Variants in MVB12B observed in about 807,000 individuals in gnomAD.
MVB12B encodes the protein multivesicular body subunit 12B, also known as ESCRT-I complex subunit MVB12B.
In MVB12B, 16 loss-of-function variants were observed where a neutral mutation model predicts 41.6. The observed-to-expected ratio is 0.38, with a 90% confidence interval of 0.26 to 0.58. The LOEUF (loss-of-function observed/expected upper bound fraction) is 0.58. Among genes scored for constraint, MVB12B ranks in the 20% least tolerant of loss-of-function variants. The pLI is 0.62. For missense variants in MVB12B, 274 were observed against 380.2 expected, an observed-to-expected ratio of 0.72 and a Z score of 2.32; for synonymous variants, 133 against 139.7, an observed-to-expected ratio of 0.95 and a Z score of 0.34.
Position 126,476,647 on chromosome 9 carries a change from C to T in MVB12B, c.758-4722C>T, listed in dbSNP as rs577076018. On this transcript the variant is annotated intron_variant, in intron 7 of 9. Coordinates refer to ENST00000361171, the MANE Select transcript of MVB12B (RefSeq NM_033446.3). ...ATCCCAAGACTTTGGGAGGCTGAGG[C>T]GGGCGGATCACAAGGTCAGGAGATC... is the stretch of plus-strand genomic sequence containing the variant. Among the ~76,000 whole-genome samples the T allele has an allele frequency of 9.2e-5, 14 of 152,122 alleles. No individual in the cohort carries two copies. In the South Asian group the frequency reaches 1.9e-3, roughly 20 times the overall value.
chr9:126,496,404 A>C (rs1833836423), intron 9 of MVB12B, among the ~76,000 whole-genome samples: 15 of 86,272 alleles, frequency 1.7e-4, no homozygotes, highest in Middle Eastern at 6.3e-3. Flanking sequence ...ATACCCACCC[A>C]CTCACTCACC....
At chr9:126,498,137 C>G (rs1406402658) in intron 9 of MVB12B, among the ~76,000 whole-genome samples, 1 of 152,198 alleles carries the variant, frequency 6.6e-6, no homozygotes, top group Non-Finnish European at 1.5e-5. Flanking sequence ...CTTCAGGAAA[C>G]AGATGAGGAC....
At chr9:126,440,961 G>A (rs1367354595) in intron 7 of MVB12B, among the ~76,000 whole-genome samples, 1 of 152,212 alleles carries the variant, frequency 6.6e-6, no homozygotes, top group Non-Finnish European at 1.5e-5. Flanking sequence ...GACAAATGGT[G>A]GTGCGGAATT....
At chr9:126,380,991 A>G (rs1830620316) in intron 2 of MVB12B, 73 bp from the exon 3 acceptor site, 1 of 1,131,352 alleles carries the variant, frequency 8.8e-7, no homozygotes, top group Admixed American at 1.7e-5. Flanking sequence ...CAGGCGTGGA[A>G]GAAGTGGCCC....
chr9:126,360,279 T>C (rs1829993885), intron 2 of MVB12B, among the ~76,000 whole-genome samples: 1 of 152,236 alleles, frequency 6.6e-6, no homozygotes, highest in Non-Finnish European at 1.5e-5. Context: ...TCAGAGAACA[T>C]AGTTTTATGG....
intron 7 of MVB12B, among the ~76,000 whole-genome samples, chr9:126,466,157 G>T (rs1158876697): frequency 6.6e-6 from 1 of 152,174 alleles, no homozygotes; most frequent in Non-Finnish European, 1.5e-5. Flanking sequence ...ATGCTGGTCT[G>T]GGTCAACCTG....
intron 2 of MVB12B, among the ~76,000 whole-genome samples, chr9:126,353,751 T>C (rs1829811754): frequency 6.6e-6 from 1 of 152,234 alleles, no homozygotes; most frequent in East Asian, 1.9e-4. Flanking sequence ...TATGTTTCCC[T>C]ACTGTAGAAT....
chr9:126,362,407 GTAAAA>G lies in MVB12B; in HGVS notation c.205-18648_205-18644del, dbSNP rs1473189619. ...AGATAAACTTCTGGCAAATCTAATA[GTAAAA>G]TAAAATAATATAAAGATAAGGAAAA... On this transcript the variant is annotated intron_variant, in intron 2 of 9. Coordinates refer to ENST00000361171, the MANE Select transcript of MVB12B (RefSeq NM_033446.3). Among the ~76,000 whole-genome samples the G allele has an allele frequency of 7.9e-5, 12 of 152,010 alleles. 1 individual carries two copies. The highest frequency in any genetic ancestry group is 1.4e-4 in the African/African-American group (6 of 41,412).
At chr9:126,483,932 T>G (rs1481413342) in intron 8 of MVB12B, 41 bp from the exon 9 acceptor site, 1 of 1,608,196 alleles carries the variant, frequency 6.2e-7, no homozygotes, top group Non-Finnish European at 8.5e-7. Flanking sequence ...GGAGGAGCAT[T>G]TTCCAGCTAT....
At chr9:126,381,494 A>C (rs996731817) in intron 3 of MVB12B, among the ~76,000 whole-genome samples, 1 of 152,144 alleles carries the variant, frequency 6.6e-6, no homozygotes, top group Non-Finnish European at 1.5e-5. Context: ...AGAGTTCTCC[A>C]GTGGAGCGGG....
intron 7 of MVB12B, among the ~76,000 whole-genome samples, chr9:126,461,974 A>T (rs1381417565): frequency 6.6e-6 from 1 of 152,212 alleles, no homozygotes; most frequent in Non-Finnish European, 1.5e-5. Context: ...CAATGATCCA[A>T]AAGAGGCTTC....
At chr9:126,350,155 C>T (rs1478333745) in intron 2 of MVB12B, among the ~76,000 whole-genome samples, 2 of 152,110 alleles carry the variant, frequency 1.3e-5, no homozygotes, top group Non-Finnish European at 2.9e-5. Flanking sequence ...AAAATTTCTT[C>T]ATGCCCTTTA....
intron 2 of MVB12B, among the ~76,000 whole-genome samples, chr9:126,377,505 C>A (rs1830514844): frequency 6.6e-6 from 1 of 152,124 alleles, no homozygotes; most frequent in Non-Finnish European, 1.5e-5. Context: ...CTGGAAATTT[C>A]ATTTGAAAAA....
In MVB12B at chr9:126,506,556, C is replaced by G. The variant is rs975130983; in HGVS notation, c.*3293C>G. The stretch of plus-strand genomic sequence containing the variant: ...GTACTCCTCCACCCAGATGAGGGCC[C>G]TCCAGAGCCTGCAGGCATCTGTGGG... On this transcript the variant is annotated 3_prime_UTR_variant, in exon 10 of 10. Coordinates refer to ENST00000361171, the MANE Select transcript of MVB12B (RefSeq NM_033446.3). 8.5e-5 allele frequency: 13 copies of G among 152,412 alleles called. No homozygotes were observed. Among genetic ancestry groups the G allele is most frequent in the Admixed American group, 2.6e-4 (4 of 15,306 alleles). 9.4% of individuals were successfully genotyped at this position (152,412 alleles called of 1,614,324 possible). A position where few individuals can be genotyped will look rare whatever the true frequency, so the allele number is the denominator to read the frequency against.
intron 7 of MVB12B, among the ~76,000 whole-genome samples, chr9:126,460,395 T>C (rs746279013): frequency 1.1e-4 from 16 of 152,192 alleles, no homozygotes; most frequent in Non-Finnish European, 2.4e-4. Flanking sequence ...TTGATTTGTT[T>C]ATCCTCAGAA....
chr9:126,415,748 C>T (rs1170797333), intron 6 of MVB12B, among the ~76,000 whole-genome samples: 5 of 151,948 alleles, frequency 3.3e-5, no homozygotes, highest in Non-Finnish European at 7.4e-5. Context: ...TGTTCTCGCC[C>T]CTGGGGATGT....
intron 7 of MVB12B, among the ~76,000 whole-genome samples, chr9:126,464,054 ATCTG>A (rs1833143661): frequency 6.6e-6 from 1 of 152,162 alleles, no homozygotes; most frequent in Non-Finnish European, 1.5e-5. Context: ...TTATTCACTC[ATCTG>A]TCTATCACCT....
intron 6 of MVB12B, among the ~76,000 whole-genome samples, chr9:126,404,674 C>G (rs1170864246): frequency 6.7e-6 from 1 of 149,648 alleles, no homozygotes; most frequent in African/African-American, 2.5e-5. Context: ...GAACTTTGGC[C>G]GGTGTCCAGC....
chr9:126,382,409 T>C (rs759260217), intron 3 of MVB12B, among the ~76,000 whole-genome samples: 11 of 152,246 alleles, frequency 7.2e-5, no homozygotes, highest in Non-Finnish European at 1.2e-4. Flanking sequence ...CAATATATGC[T>C]CCTTGTGAAG....
Sources: gnomAD v4.1 joint callset for allele counts (sites outside exome capture counted in the v4.1 genomes callset) on GRCh38, gnomAD v4.1.1 for gene constraint, MANE v1.5 for transcripts, NCBI Gene and HGNC (gene_info 2026-07-23, HGNC 2026-07-21) for gene names.